The following MAGI2 variants were observed in gnomAD, a reference collection of about 807,000 sequenced individuals.
MAGI2 encodes the protein membrane-associated guanylate kinase, WW and PDZ domain-containing protein 2.
In MAGI2, 35 loss-of-function variants were observed where a neutral mutation model predicts 133.3. The observed-to-expected ratio is 0.26, with a 90% confidence interval of 0.20 to 0.35. MAGI2 has a LOEUF of 0.35. Ranked by LOEUF, MAGI2 falls within the 10% of genes least tolerant of loss-of-function variation. The pLI, the probability that MAGI2 is intolerant of heterozygous loss-of-function variation, is 1.00. For synonymous variants in MAGI2, 729 were observed against 710.6 expected, an observed-to-expected ratio of 1.03 and a Z score of -0.41; for missense variants, 1,636 against 1,863.4, an observed-to-expected ratio of 0.88 and a Z score of 2.25.
intron 1 of MAGI2, among the ~76,000 whole-genome samples, chr7:79,270,476 C>A (rs1449514602): frequency 6.6e-6 from 1 of 152,116 alleles, no homozygotes; most frequent in South Asian, 2.1e-4. Context: ...CTGTGATCAT[C>A]AATTATGATT....
In MAGI2 at chr7:78,304,771, A is replaced by T. The variant is rs1355505614; in HGVS notation, c.1408+39007T>A. ...GGGAAGAGTAGTGGTTGCTACTTTA[A>T]TAATGAAAGCTTCCCTGATAGGAGG... is the stretch of plus-strand genomic sequence containing the variant. On this transcript the variant is annotated intron_variant, in intron 9 of 21. Transcript: ENST00000354212. Among the ~76,000 whole-genome samples the T allele has an allele frequency of 2.0e-5, 3 of 152,194 alleles. No individual in the cohort carries two copies. In the East Asian group the frequency reaches 5.8e-4, roughly 29 times the overall value.
At chr7:78,392,342 G>T (rs1321862138) in intron 6 of MAGI2, among the ~76,000 whole-genome samples, 1 of 152,174 alleles carries the variant, frequency 6.6e-6, no homozygotes, top group Non-Finnish European at 1.5e-5. Flanking sequence ...AGGGGAAATT[G>T]ATGAGTTCAG....
intron 1 of MAGI2, among the ~76,000 whole-genome samples, chr7:79,313,761 T>C (rs750202731): frequency 1.3e-5 from 2 of 152,050 alleles, no homozygotes; most frequent in East Asian, 1.9e-4. Context: ...CTACTCATTG[T>C]GCTAGCCAAT....
In MAGI2 at chr7:79,195,493, A is replaced by G. The variant is rs567337608; in HGVS notation, c.302-188287T>C. 2.0e-5 allele frequency among the ~76,000 whole-genome samples: 3 copies of G among 152,186 alleles called. No individual in the cohort carries two copies. In the East Asian group the frequency reaches 5.8e-4, roughly 29 times the overall value. ...GTGCTAAAAAGGAAAATGCATTTGT[A>G]TTTTGGAATTAAAAGCCATTTGTAG... On this transcript the variant is annotated intron_variant, in intron 1 of 21. Transcript: ENST00000354212.
At chr7:78,937,727 C>T (rs753371992) in intron 2 of MAGI2, among the ~76,000 whole-genome samples, 7 of 152,026 alleles carry the variant, frequency 4.6e-5, no homozygotes, top group Non-Finnish European at 7.4e-5. Flanking sequence ...GTCTCTGGAT[C>T]GAAACTACCT....
intron 2 of MAGI2, among the ~76,000 whole-genome samples, chr7:78,665,972 A>T (rs1443347236): frequency 1.3e-5 from 2 of 152,162 alleles, no homozygotes; most frequent in Non-Finnish European, 2.9e-5. Flanking sequence ...GCTTAGTGGG[A>T]TAAGGAAACA....
At chr7:78,716,856 C>A (rs965585399) in intron 2 of MAGI2, among the ~76,000 whole-genome samples, 1 of 152,132 alleles carries the variant, frequency 6.6e-6, no homozygotes, top group East Asian at 1.9e-4. Context: ...GGCACGGAAT[C>A]CAATCTTATT....
chr7:78,178,815 A>G (rs781157982), intron 13 of MAGI2, among the ~76,000 whole-genome samples: 2 of 152,214 alleles, frequency 1.3e-5, no homozygotes, highest in African/African-American at 2.4e-5. Flanking sequence ...TGTGCAAGCC[A>G]TAGATTGACT....
intron 2 of MAGI2, among the ~76,000 whole-genome samples, chr7:78,837,495 G>T (rs569285453): frequency 6.6e-6 from 1 of 152,120 alleles, no homozygotes; most frequent in Non-Finnish European, 1.5e-5. Context: ...TCATTTTGGT[G>T]ACTACAATAG....
intron 2 of MAGI2, among the ~76,000 whole-genome samples, chr7:78,973,043 T>C (rs529791517): frequency 6.6e-6 from 1 of 151,844 alleles, no homozygotes; most frequent in South Asian, 2.1e-4. Flanking sequence ...GTACAAAAAC[T>C]GAAATACTGA....
chr7:79,010,190 T>C (rs1807914476), intron 1 of MAGI2, among the ~76,000 whole-genome samples: 1 of 152,160 alleles, frequency 6.6e-6, no homozygotes, highest in African/African-American at 2.4e-5. Flanking sequence ...ATATGTACAG[T>C]ATGTGTGTAT....
Position 78,671,760 on chromosome 7 carries a change from T to A in MAGI2, c.419-44521A>T, listed in dbSNP as rs187267945. 4.1e-3 allele frequency among the ~76,000 whole-genome samples: 621 copies of A among 152,310 alleles called. 1 individual carries two copies. The highest frequency in any genetic ancestry group is 6.7e-3 in the Non-Finnish European group (455 of 68,024). ...CTAAATGCCCTCTTTAAAACCAATA[T>A]GTAAGAAAAGTCATTAGATTTTCTT... is the stretch of plus-strand genomic sequence containing the variant. On this transcript the variant is annotated intron_variant, in intron 2 of 21. Coordinates refer to ENST00000354212, the MANE Select transcript of MAGI2 (RefSeq NM_012301.4).
intron 9 of MAGI2, among the ~76,000 whole-genome samples, chr7:78,337,500 C>T (rs990532641): frequency 2.0e-5 from 3 of 152,124 alleles, no homozygotes; most frequent in African/African-American, 7.2e-5. Flanking sequence ...TTTCTTTGTG[C>T]CTACACAAAC....
intron 1 of MAGI2, among the ~76,000 whole-genome samples, chr7:79,262,662 A>G (rs926765964): frequency 6.6e-6 from 1 of 152,196 alleles, no homozygotes; most frequent in African/African-American, 2.4e-5. Flanking sequence ...GAGTTGCTAG[A>G]CCCGGGTAGG....
intron 6 of MAGI2, among the ~76,000 whole-genome samples, chr7:78,387,970 AAAT>A (rs1562928559): frequency 2.3e-4 from 26 of 111,686 alleles, no homozygotes; most frequent in South Asian, 1.1e-3. Flanking sequence ...ATAAATAAAT[AAAT>A]AAAATAATAA....
At chr7:79,258,711 C>A (rs1833870891) in intron 1 of MAGI2, among the ~76,000 whole-genome samples, 1 of 152,162 alleles carries the variant, frequency 6.6e-6, no homozygotes, top group Admixed American at 6.5e-5. Flanking sequence ...CATACTATGG[C>A]CTTGAACTCC....
chr7:78,963,780 A>G (rs1323731124), intron 2 of MAGI2, among the ~76,000 whole-genome samples: 1 of 152,058 alleles, frequency 6.6e-6, no homozygotes, highest in East Asian at 1.9e-4. Flanking sequence ...ACAGATAAAG[A>G]ACAATAGATT....
At chr7:79,420,620 G>A (rs1228721382) in intron 1 of MAGI2, among the ~76,000 whole-genome samples, 2 of 151,972 alleles carry the variant, frequency 1.3e-5, no homozygotes, top group Non-Finnish European at 2.9e-5. Flanking sequence ...AGCATTTGCA[G>A]CTCAAGAAGC....
At chr7:78,481,645 C>G (rs758732109) in intron 6 of MAGI2, among the ~76,000 whole-genome samples, 3 of 151,624 alleles carry the variant, frequency 2.0e-5, no homozygotes, top group Non-Finnish European at 2.9e-5. Context: ...GGTGCACACA[C>G]AATTCCATGG....
Sources: allele counts gnomAD v4.1 joint callset (sites outside exome capture counted in the v4.1 genomes callset), GRCh38; gene constraint gnomAD v4.1.1; transcripts MANE v1.5; gene names NCBI Gene and HGNC (gene_info 2026-07-23, HGNC 2026-07-21).